ROBO1: variants seen among roughly 807,000 people sequenced by gnomAD.
ROBO1 encodes roundabout homolog 1.
ROBO1 carries 149 observed loss-of-function variants against 195.9 expected under a neutral mutation model. That is an observed-to-expected ratio of 0.76 (90% CI 0.67 to 0.87). ROBO1 has a LOEUF of 0.87. Among genes scored for constraint, ROBO1 ranks in the 40% least tolerant of loss-of-function variants. The pLI is 0.00. For synonymous variants in ROBO1, 816 were observed against 733.2 expected, an observed-to-expected ratio of 1.11 and a Z score of -1.82; for missense variants, 1,933 against 2,068.3, an observed-to-expected ratio of 0.93 and a Z score of 1.27.
At position 79,243,978 on chromosome 3, in the gene ROBO1, T is replaced by G. The variant is rs1350819792; in HGVS notation, c.89-118439A>C. ...TATGGTTTTAGGTCTAACATTTAAGTCTTTAATCCATCTTGAATTAATTTT... is the reference window on the plus strand; with the variant it reads ...TATGGTTTTAGGTCTAACATTTAAGGCTTTAATCCATCTTGAATTAATTTT... On this transcript the variant is annotated intron_variant, in intron 2 of 30. Transcript: ENST00000464233. Among the ~76,000 whole-genome samples the G allele has an allele frequency of 1.3e-5, 2 of 152,214 alleles. 1 individual carries two copies. Among genetic ancestry groups the G allele is most frequent in the Non-Finnish European group, 2.9e-5 (2 of 68,036 alleles).
intron 2 of ROBO1, among the ~76,000 whole-genome samples, chr3:79,265,818 G>T (rs932231531): frequency 6.6e-6 from 1 of 151,018 alleles, no homozygotes; most frequent in African/African-American, 2.4e-5. Context: ...ATACTTTGAG[G>T]TTATTTTTTT....
At chr3:78,816,610 T>C (rs772791113) in intron 4 of ROBO1, among the ~76,000 whole-genome samples, 2 of 151,972 alleles carry the variant, frequency 1.3e-5, no homozygotes, top group Non-Finnish European at 1.5e-5. Context: ...TTGTGACTCA[T>C]GGGAGGAGGC....
intron 3 of ROBO1, among the ~76,000 whole-genome samples, chr3:78,990,680 A>G (rs2077217071): frequency 6.6e-6 from 1 of 152,166 alleles, no homozygotes; most frequent in African/African-American, 2.4e-5. Flanking sequence ...CAAATCTCCA[A>G]ATCAGTTCTT....
intron 4 of ROBO1, among the ~76,000 whole-genome samples, chr3:78,768,741 G>A (rs1022761208): frequency 6.6e-6 from 1 of 151,418 alleles, no homozygotes; most frequent in African/African-American, 2.4e-5. Context: ...ATGCTGGTGC[G>A]CTGGTGCGCT....
chr3:79,374,441 G>A (rs1427675026), intron 2 of ROBO1, among the ~76,000 whole-genome samples: 2 of 151,974 alleles, frequency 1.3e-5, no homozygotes. Context: ...CTCCCCTCAA[G>A]CTACTTAATG....
chr3:79,556,530 G>A (rs1311347170), intron 2 of ROBO1, among the ~76,000 whole-genome samples: 1 of 152,060 alleles, frequency 6.6e-6, no homozygotes, highest in Non-Finnish European at 1.5e-5. Flanking sequence ...ACAGTCAAAA[G>A]TGAAGGTAAT....
At chr3:78,676,239 A>C (rs1315920399) in intron 10 of ROBO1, among the ~76,000 whole-genome samples, 2 of 152,214 alleles carry the variant, frequency 1.3e-5, no homozygotes, top group African/African-American at 2.4e-5. Context: ...AACAGAGCAG[A>C]AAAACTGGAA....
intron 2 of ROBO1, among the ~76,000 whole-genome samples, chr3:79,400,888 G>A (rs964321707): frequency 1.3e-5 from 2 of 151,698 alleles, no homozygotes; most frequent in African/African-American, 4.8e-5. Flanking sequence ...TTTTGGACTT[G>A]TTCATCTCAA....
At chr3:78,963,746 T>C (rs965276759) in intron 3 of ROBO1, among the ~76,000 whole-genome samples, 4 of 152,110 alleles carry the variant, frequency 2.6e-5, no homozygotes, top group East Asian at 3.9e-4. Context: ...CTCGATCTCC[T>C]GACCTCGTGA....
intron 2 of ROBO1, among the ~76,000 whole-genome samples, chr3:79,485,384 T>C (rs1466355153): frequency 2.0e-5 from 3 of 152,072 alleles, no homozygotes; most frequent in African/African-American, 7.2e-5. Flanking sequence ...ATAATCACAA[T>C]CATATATATG....
At chr3:79,336,653 A>G (rs1198885238) in intron 2 of ROBO1, among the ~76,000 whole-genome samples, 2 of 152,032 alleles carry the variant, frequency 1.3e-5, no homozygotes, top group African/African-American at 4.8e-5. Context: ...TGGAGTTGGA[A>G]CCCCCACAGA....
At chr3:78,992,750 A>G (rs2108068528) in intron 3 of ROBO1, among the ~76,000 whole-genome samples, 1 of 152,304 alleles carries the variant, frequency 6.6e-6, no homozygotes, top group South Asian at 2.1e-4. Flanking sequence ...AAGTAAAAAA[A>G]GAGTCTAGAA....
At chr3:79,345,388 A>G (rs1053952336) in intron 2 of ROBO1, among the ~76,000 whole-genome samples, 2 of 152,126 alleles carry the variant, frequency 1.3e-5, no homozygotes, top group Non-Finnish European at 2.9e-5. Context: ...CACGTGACTC[A>G]GTGAGGAATC....
At position 79,308,457 on chromosome 3, in the gene ROBO1, T is replaced by G. The variant is rs185894550; in HGVS notation, c.89-182918A>C. On this transcript the variant is annotated intron_variant, in intron 2 of 30. Transcript: ENST00000464233. ...CCACCAGAAGACTTTCACTTTACATTTCTTTTACACATTCATTCATTCAAC... is the reference window on the plus strand; with the variant it reads ...CCACCAGAAGACTTTCACTTTACATGTCTTTTACACATTCATTCATTCAAC... Among the ~76,000 whole-genome samples, 30 of 152,326 alleles carry G rather than the reference T, an allele frequency of 2.0e-4. 1 individual carries two copies. The South Asian group carries it at 5.8e-3, about 29-fold the overall frequency.
intron 3 of ROBO1, among the ~76,000 whole-genome samples, chr3:79,075,399 C>T (rs1270069593): frequency 6.6e-6 from 1 of 151,954 alleles, no homozygotes; most frequent in East Asian, 1.9e-4. Flanking sequence ...TGCTGTATTT[C>T]AGGGACGGCT....
intron 1 of ROBO1, among the ~76,000 whole-genome samples, chr3:79,691,128 C>G (rs1054331306): frequency 6.6e-6 from 1 of 151,802 alleles, no homozygotes; most frequent in Admixed American, 6.6e-5. Context: ...CACGTAAGAA[C>G]AAGTCCCTGT....
intron 3 of ROBO1, among the ~76,000 whole-genome samples, chr3:79,100,554 A>C (rs1360038932): frequency 1.3e-5 from 2 of 151,842 alleles, no homozygotes; most frequent in Admixed American, 1.3e-4. Context: ...AGTCTCCTGC[A>C]GAAGAACAAT....
chr3:79,498,014 T>C (rs1939841844), intron 2 of ROBO1, among the ~76,000 whole-genome samples: 1 of 150,526 alleles, frequency 6.6e-6, no homozygotes. Context: ...TGAGCAATGT[T>C]ACCTAACCTG....
chr3:79,658,303 C>G (rs7628280), intron 1 of ROBO1, among the ~76,000 whole-genome samples: 90,406 of 151,794 alleles, frequency 0.6, 27,393 homozygotes, highest in African/African-American at 0.7. Context: ...TGTTACAGAA[C>G]GAATGGTTAA....
Sources: gnomAD v4.1 joint callset for allele counts (sites outside exome capture counted in the v4.1 genomes callset) on GRCh38, gnomAD v4.1.1 for gene constraint, MANE v1.5 for transcripts, NCBI Gene and HGNC (gene_info 2026-07-23, HGNC 2026-07-21) for gene names.